GALNT13: variants seen among roughly 807,000 people sequenced by gnomAD.
The protein encoded by GALNT13 is UDP-GalNAc:polypeptide N-acetylgalactosaminyltransferase 13.
GALNT13 carries 28 observed loss-of-function variants against 64.2 expected under a neutral mutation model. The observed-to-expected ratio is 0.44, with a 90% confidence interval of 0.32 to 0.60. GALNT13 has a LOEUF of 0.60. Ranked by LOEUF, GALNT13 falls within the 20% of genes least tolerant of loss-of-function variation. The pLI is 0.05. For missense variants in GALNT13, 577 were observed against 669.8 expected, an observed-to-expected ratio of 0.86 and a Z score of 1.53; for synonymous variants, 214 against 224.6, an observed-to-expected ratio of 0.95 and a Z score of 0.42.
the GALNT13 span, among the ~76,000 whole-genome samples, chr2:153,545,259 A>G: frequency 1.3e-5 from 2 of 152,154 alleles, no homozygotes; most frequent in Non-Finnish European, 2.9e-5. Flanking sequence ...TCAAGGTTCA[A>G]GATAACAATA....
intron 3 of GALNT13, among the ~76,000 whole-genome samples, chr2:154,050,347 G>T (rs539318958): frequency 1.3e-5 from 2 of 152,280 alleles, no homozygotes; most frequent in South Asian, 4.1e-4. Flanking sequence ...ATGGTACTTT[G>T]TCTAGCCCCT....
the GALNT13 span, among the ~76,000 whole-genome samples, chr2:153,600,060 A>G: frequency 6.6e-6 from 1 of 151,730 alleles, no homozygotes; most frequent in Non-Finnish European, 1.5e-5. Context: ...GATTAGAGAA[A>G]CTCTGCCCTA....
upstream of GALNT13, among the ~76,000 whole-genome samples, chr2:153,871,382 G>A (rs1246573536): frequency 6.6e-6 from 1 of 152,012 alleles, no homozygotes. Context: ...TAACCAACAA[G>A]AGGCCAACCT....
chr2:153,657,095 A>G, the GALNT13 span, among the ~76,000 whole-genome samples: 1 of 152,136 alleles, frequency 6.6e-6, no homozygotes, highest in Non-Finnish European at 1.5e-5. Flanking sequence ...TCAGATCTCT[A>G]TGAAGTTATG....
the GALNT13 span, among the ~76,000 whole-genome samples, chr2:153,373,206 A>G: frequency 2.6e-5 from 4 of 151,592 alleles, no homozygotes; most frequent in Non-Finnish European, 4.4e-5. Context: ...GTAGGCAATC[A>G]TTACTTCCTG....
chr2:153,852,336 T>A, the GALNT13 span, among the ~76,000 whole-genome samples: 1 of 152,102 alleles, frequency 6.6e-6, no homozygotes. Flanking sequence ...ATTGCCTATA[T>A]CAGGATTAGA....
intron 11 of GALNT13, among the ~76,000 whole-genome samples, chr2:154,422,008 C>T (rs1700276269): frequency 6.6e-6 from 1 of 152,004 alleles, no homozygotes; most frequent in Non-Finnish European, 1.5e-5. Flanking sequence ...AAGCACTCAG[C>T]GTGCACAGAG....
intron 1 of GALNT13, among the ~76,000 whole-genome samples, chr2:153,889,056 T>C (rs530378161): frequency 3.3e-5 from 5 of 152,032 alleles, no homozygotes; most frequent in African/African-American, 4.8e-5. Flanking sequence ...GCAGAGTTGA[T>C]GCAAACTACC....
chr2:154,073,401 CTATT>C (rs1488678690), intron 3 of GALNT13, among the ~76,000 whole-genome samples: 14 of 151,940 alleles, frequency 9.2e-5, no homozygotes, highest in Non-Finnish European at 1.9e-4. Context: ...AAACAAGTAA[CTATT>C]TATTGCCAAT....
chr2:153,988,071 TATACACACACACAC>T (rs1694920508), intron 3 of GALNT13, among the ~76,000 whole-genome samples: 1 of 143,644 alleles, frequency 7.0e-6, no homozygotes, highest in South Asian at 2.2e-4. Context: ...TATATATATA[TATACACACACACAC>T]ACACACACAC....
At chr2:153,181,711 T>C in the GALNT13 span, among the ~76,000 whole-genome samples, 1 of 145,734 alleles carries the variant, frequency 6.9e-6, no homozygotes, top group Non-Finnish European at 1.5e-5. Context: ...TACATAAATA[T>C]AATTATATTG....
At chr2:153,488,675 C>T in the GALNT13 span, among the ~76,000 whole-genome samples, 7 of 152,276 alleles carry the variant, frequency 4.6e-5, no homozygotes, top group South Asian at 1.5e-3. Flanking sequence ...ATCTGTGATA[C>T]ATCCAGAGCT....
At chr2:153,993,192 A>G (rs1011565681) in intron 3 of GALNT13, among the ~76,000 whole-genome samples, 7 of 152,134 alleles carry the variant, frequency 4.6e-5, no homozygotes, top group African/African-American at 1.7e-4. Flanking sequence ...ATTTACAACT[A>G]TTGTATATAT....
Position 154,450,723 on chromosome 2 carries a change from A to C in GALNT13, c.*172A>C. 1 of 584,596 alleles carries C rather than the reference A, an allele frequency of 1.7e-6. No homozygotes were observed. The highest frequency in any genetic ancestry group is 2.8e-5 in the South Asian group (1 of 36,100). The allele number at this position is 584,596 out of a possible 1,614,324, so 36.2% of individuals were successfully genotyped here. A position where few individuals can be genotyped will look rare whatever the true frequency, so the allele number is the denominator to read the frequency against. On this transcript the variant is annotated 3_prime_UTR_variant, in exon 13 of 13. Coordinates refer to ENST00000392825, the MANE Select transcript of GALNT13 (RefSeq NM_052917.4). ...AATGTTTGCTTATTTCCCTACTAAA[A>C]TTTGTATCTGATCAAAGCACATAAG...
the GALNT13 span, among the ~76,000 whole-genome samples, chr2:153,412,799 C>T: frequency 6.6e-6 from 1 of 152,114 alleles, no homozygotes; most frequent in Non-Finnish European, 1.5e-5. Context: ...GGTGTTTGTT[C>T]TGCACCCAAT....
the GALNT13 span, among the ~76,000 whole-genome samples, chr2:153,218,583 A>G: frequency 6.6e-6 from 1 of 152,278 alleles, no homozygotes; most frequent in South Asian, 2.1e-4. Flanking sequence ...CCCCTCTTCC[A>G]GGCCTGAACT....
intron 3 of GALNT13, among the ~76,000 whole-genome samples, chr2:154,115,751 G>A (rs935292323): frequency 4.2e-4 from 64 of 152,046 alleles, no homozygotes; most frequent in Non-Finnish European, 5.0e-4. Flanking sequence ...TTCCCGATCT[G>A]CAACATTAAA....
chr2:153,723,748 G>C, the GALNT13 span, among the ~76,000 whole-genome samples: 1 of 151,570 alleles, frequency 6.6e-6, no homozygotes, highest in Admixed American at 6.6e-5. Context: ...AACTTACAAG[G>C]GATGTGAAGG....
At chr2:154,143,033 A>G (rs1383329828) in intron 4 of GALNT13, among the ~76,000 whole-genome samples, 1 of 152,066 alleles carries the variant, frequency 6.6e-6, no homozygotes, top group African/African-American at 2.4e-5. Context: ...ATGGTCCCCA[A>G]CCTTTTGGCA....
Sources: allele counts gnomAD v4.1 joint callset (sites outside exome capture counted in the v4.1 genomes callset), GRCh38; gene constraint gnomAD v4.1.1; transcripts MANE v1.5; gene names NCBI Gene and HGNC (gene_info 2026-07-23, HGNC 2026-07-21).